PKD2L1: variants seen among roughly 807,000 people sequenced by gnomAD.
PKD2L1 encodes the protein polycystin-2-like protein 1.
In PKD2L1, 77 loss-of-function variants were observed where a neutral mutation model predicts 93.0. That is an observed-to-expected ratio of 0.83 (90% CI 0.69 to 1.00). PKD2L1 has a LOEUF of 1.00. Among genes scored for constraint, PKD2L1 ranks in the 50% least tolerant of loss-of-function variants. The pLI is 0.00. For missense variants in PKD2L1, 977 were observed against 990.9 expected (o/e 0.99, Z 0.19); for synonymous variants, 390 against 388.0 (o/e 1.01, Z -0.06).
intron 2 of PKD2L1, among the ~76,000 whole-genome samples, chr10:100,323,054 TTTG>T (rs539057266): frequency 9.2e-4 from 139 of 151,912 alleles, no homozygotes; most frequent in Middle Eastern, 6.3e-3. Flanking sequence ...TCAATAAAGG[TTTG>T]TTGTTTGTGC....
chr10:100,296,049 GAAAAA>G lies in PKD2L1; in HGVS notation c.1356+68_1356+72del, dbSNP rs1023315406. 8.7e-4 allele frequency: 1,087 copies of G among 1,246,496 alleles called. 1 individual carries two copies. The highest frequency in any genetic ancestry group is 1.2e-3 in the Admixed American group (49 of 39,596). The allele number at this position is 1,246,496 out of a possible 1,614,324, so 77.2% of individuals were successfully genotyped here. On this transcript the variant is annotated intron_variant, in intron 7 of 15. Coordinates refer to ENST00000318222, the MANE Select transcript of PKD2L1 (RefSeq NM_016112.3). Reference sequence around the variant, plus strand: ...GACTCCATCTCAAAAAAAAAAAAAAGAAAAAAAAGAAAAGAAAAGAAGGGAGAATG... The same window carrying G: ...GACTCCATCTCAAAAAAAAAAAAAAGAAAGAAAAGAAAAGAAGGGAGAATG...
intron 2 of PKD2L1, among the ~76,000 whole-genome samples, chr10:100,301,619 TG>T (rs1393688018): frequency 6.6e-6 from 1 of 152,212 alleles, no homozygotes; most frequent in Non-Finnish European, 1.5e-5. Flanking sequence ...TTATCTCCCT[TG>T]TTCCCTGAAA....
chr10:100,289,647 AAGTGGGCCCTCAACAGAT>A (rs779018203), intron 14 of PKD2L1, among the ~76,000 whole-genome samples: 2 of 152,170 alleles, frequency 1.3e-5, no homozygotes, highest in Non-Finnish European at 2.9e-5. Context: ...ATGAATCAGG[AAGTGGGCCCTCAACAGAT>A]ACTGAATCTA....
rs532159059 is a variant in PKD2L1 at position 100,323,819 on chromosome 10, C to CTTTA, written c.349+5388_349+5391dup. On this transcript the variant is annotated intron_variant, in intron 2 of 15. Coordinates refer to ENST00000318222, the MANE Select transcript of PKD2L1 (RefSeq NM_016112.3). ...TTTTTAATACACTTTTTAAGATAAACTTTATTTATTTATTTATTTATTTTT... is the reference window on the plus strand; with the variant it reads ...TTTTTAATACACTTTTTAAGATAAACTTTATTTATTTATTTATTTATTTATTTTT... 1.9e-3 allele frequency among the ~76,000 whole-genome samples: 288 copies of CTTTA among 151,978 alleles called. 1 individual carries two copies. Among genetic ancestry groups the CTTTA allele is most frequent in the African/African-American group, 5.8e-3 (239 of 41,460 alleles).
In PKD2L1 at chr10:100,309,423, T is replaced by A. The variant is rs1055924963; in HGVS notation, c.350-9705A>T. On this transcript the variant is annotated intron_variant, in intron 2 of 15. Transcript: ENST00000318222. ...TCATTAAAAAAATTTTTTGTCTGTA[T>A]GTTTCCAAGTTATAGGCTGAAGTTT... Among the ~76,000 whole-genome samples the A allele has an allele frequency of 2.0e-5, 3 of 152,348 alleles. No individual in the cohort carries two copies. In the South Asian group the frequency reaches 6.2e-4, roughly 32 times the overall value.
rs781230245 is a variant in PKD2L1 at position 100,293,054 on chromosome 10, G to C, written c.1774C>G (p.Leu592Val). The change falls in exon 11 of 16, where the codon CTA (leucine) becomes GTA (valine). Residue 592 changes from leucine (L) to valine (V), a missense_variant. Leu to Val is a conservative substitution (Grantham distance 32, BLOSUM62 1). Transcript: ENST00000318222. ...DLLKQGYNKT[L>V]LRLRLRKERV... The stretch of plus-strand genomic sequence containing the variant: ...TCCTTCCTCAGACGCAGTCTTAGTA[G>C]GGTCTTGTTGTAGCCCTGAAAGGGA... The C allele has an allele frequency of 2.5e-6, 4 of 1,614,084 alleles. No homozygotes were observed. The highest frequency in any genetic ancestry group is 3.4e-6 in the Non-Finnish European group (4 of 1,179,978).
chr10:100,295,428 T>TA (rs751427378), intron 7 of PKD2L1, among the ~76,000 whole-genome samples: 3,842 of 71,152 alleles, frequency 0.054, 124 homozygotes, highest in Non-Finnish European at 0.076. Flanking sequence ...CTGGGACCAT[T>TA]AAAAAAAAAA....
chr10:100,298,415 C>G lies in PKD2L1; in HGVS notation c.731+147G>C, dbSNP rs1042480058. 6.1e-5 allele frequency: 48 copies of G among 784,266 alleles called. 1 individual carries two copies. The Middle Eastern group carries it at 3.4e-3, about 56-fold the overall frequency. 48.6% of individuals were successfully genotyped at this position (784,266 alleles called of 1,614,324 possible). On this transcript the variant is annotated intron_variant, in intron 4 of 15. Transcript: ENST00000318222. ...ACAGACCAAGGTCCCCAAACAGTCA[C>G]AGCTGGGATTCAGGGAGATGCCCCC... is the stretch of plus-strand genomic sequence containing the variant.
In PKD2L1 at chr10:100,314,984, AAGGAAGGAAGGAAGGAAGGAAGGAAGG is replaced by A. The variant is rs1316721792; in HGVS notation, c.349+14200_349+14226del. Among the ~76,000 whole-genome samples, 9 of 8,526 alleles carry A rather than the reference AAGGAAGGAAGGAAGGAAGGAAGGAAGG, an allele frequency of 1.1e-3. 1 individual carries two copies. The highest frequency in any genetic ancestry group is 1.6e-3 in the African/African-American group (4 of 2,494). 5.6% of individuals were successfully genotyped at this position (8,526 alleles called of 152,430 possible). ...GAAAGAAGGAAGGAAGGAAGGAAGG[AAGGAAGGAAGGAAGGAAGGAAGGAAGG>A]AAGGGAAGGGAAGGGAAGGGAAGGG... On this transcript the variant is annotated intron_variant, in intron 2 of 15. Coordinates refer to ENST00000318222, the MANE Select transcript of PKD2L1 (RefSeq NM_016112.3).
At chr10:100,325,629 A>G (rs753048504) in intron 2 of PKD2L1, among the ~76,000 whole-genome samples, 16 of 152,072 alleles carry the variant, frequency 1.1e-4, no homozygotes, top group Non-Finnish European at 2.1e-4. Context: ...TAGTCTAAGG[A>G]TTTCAGGGTC....
At chr10:100,295,544 C>T (rs1172366882) in intron 7 of PKD2L1, among the ~76,000 whole-genome samples, 1 of 151,146 alleles carries the variant, frequency 6.6e-6, no homozygotes, top group Non-Finnish European at 1.5e-5. Context: ...CCAGCCTGGC[C>T]AACATGGTGA....
Position 100,299,600 on chromosome 10 carries a change from G to A in PKD2L1, c.468C>T (p.Asp156=). Residue 156 remains aspartate (D), a synonymous_variant, in exon 3 of 16, where the codon GAC becomes GAT. Transcript: ENST00000318222. ...VSFQAISSMA[D]FWDFAQGPLL... ...AAGATCTTATACTCACATCCCAGAA[G>A]TCCGCCATGCTGCTGATGGCCTGAA... The A allele has an allele frequency of 6.2e-7, 1 of 1,613,902 alleles. No homozygotes were observed. The highest frequency in any genetic ancestry group is 1.7e-5 in the Admixed American group (1 of 60,028).
intron 7 of PKD2L1, among the ~76,000 whole-genome samples, chr10:100,295,330 A>G (rs986570852): frequency 6.0e-5 from 9 of 150,248 alleles, no homozygotes; most frequent in African/African-American, 2.2e-4. Context: ...GCTGAGGCAG[A>G]GAATCACTTG....
chr10:100,329,919 T>C lies in PKD2L1; in HGVS notation c.185A>G (p.Tyr62Cys). Residue 62 changes from tyrosine to cysteine, a missense_variant, in exon 1 of 16, where the codon TAC becomes TGC. Coordinates refer to ENST00000318222, the MANE Select transcript of PKD2L1 (RefSeq NM_016112.3). ...KPEDEPQETA[Y>C]RTQVSSCCLH... ...GCAGCAGCTGGACACCTGGGTCCTG[T>C]ATGCCGTCTCCTGGGGTTCATCTTC... 1 of 1,613,958 alleles carries C rather than the reference T, an allele frequency of 6.2e-7. No homozygotes were observed. Among genetic ancestry groups the C allele is most frequent in the South Asian group, 1.1e-5 (1 of 91,088 alleles).
chr10:100,330,118 G>C lies in PKD2L1; in HGVS notation c.-15C>G, dbSNP rs764061364. On this transcript the variant is annotated 5_prime_UTR_variant, in exon 1 of 16. Transcript: ENST00000318222. The stretch of plus-strand genomic sequence containing the variant: ...ACAGCATTCATGGGGAATGAGGTGG[G>C]GGGGCCCGGTACCCCAGGTGCCCAC... 8.0e-6 allele frequency: 12 copies of C among 1,507,326 alleles called. No homozygotes were observed. In the East Asian group the frequency reaches 2.1e-4, roughly 26 times the overall value. The allele number at this position is 1,507,326 out of a possible 1,614,324, so 93.4% of individuals were successfully genotyped here.
At chr10:100,318,725 T>C (rs1411742632) in intron 2 of PKD2L1, among the ~76,000 whole-genome samples, 1 of 151,946 alleles carries the variant, frequency 6.6e-6, no homozygotes, top group African/African-American at 2.4e-5. Context: ...TTCACCGTGT[T>C]AGCCAGGATG....
chr10:100,329,972 C>T lies in PKD2L1; in HGVS notation c.132G>A (p.Gly44=). 4.3e-6 allele frequency: 7 copies of T among 1,614,052 alleles called. No individual in the cohort carries two copies. The highest frequency in any genetic ancestry group is 2.2e-5 in the East Asian group (1 of 44,872). ...GCTTCTTGGGTTGGGGCTGGAGAGG[C>T]CCCGTGCTGGAGATGGTGCAGACTC... ...TLRVCTISST[G]PLQPQPKKPE... Residue 44 remains glycine (G), a synonymous_variant, in exon 1 of 16, where the codon GGG becomes GGA. Transcript: ENST00000318222.
intron 9 of PKD2L1, 94 bp from the exon 10 acceptor site, chr10:100,293,473 A>T: frequency 2.4e-6 from 2 of 822,938 alleles, no homozygotes; most frequent in South Asian, 2.8e-5. Flanking sequence ...CACGTGTTCC[A>T]AAGGGGTCAG....
intron 2 of PKD2L1, among the ~76,000 whole-genome samples, chr10:100,306,876 A>G (rs908592153): frequency 2.7e-5 from 4 of 146,186 alleles, no homozygotes; most frequent in South Asian, 2.1e-4. Flanking sequence ...AAAAAAAAGA[A>G]AGAGAGAGAA....
Sources: allele counts gnomAD v4.1 joint callset (sites outside exome capture counted in the v4.1 genomes callset), GRCh38; gene constraint gnomAD v4.1.1; transcripts MANE v1.5; gene names NCBI Gene and HGNC (gene_info 2026-07-23, HGNC 2026-07-21).